Variants in VANGL1 observed in about 807,000 individuals in gnomAD.
The protein encoded by VANGL1 is vang-like protein 1.
In VANGL1, 18 loss-of-function variants were observed where a neutral mutation model predicts 48.4. The ratio of observed to expected loss-of-function variants is 0.37; its 90% CI spans 0.26 to 0.55. The LOEUF is 0.55. Ranked by LOEUF, VANGL1 falls within the 20% of genes least tolerant of loss-of-function variation. VANGL1 has a pLI of 0.81. For synonymous variants in VANGL1, 257 were observed against 261.8 expected, an observed-to-expected ratio of 0.98 and a Z score of 0.18; for missense variants, 667 against 675.8, an observed-to-expected ratio of 0.99 and a Z score of 0.14.
In VANGL1 at chr1:115,698,113, C is replaced by T. The variant is rs1654094349; in HGVS notation, c.*6734C>T. 1 of 150,980 alleles carries T rather than the reference C, an allele frequency of 6.6e-6. No homozygotes were observed. Among genetic ancestry groups the T allele is most frequent in the Admixed American group, 6.6e-5 (1 of 15,146 alleles). The allele number at this position is 150,980 out of a possible 1,614,324, so 9.4% of individuals were successfully genotyped here. Reference sequence around the variant, plus strand: ...ACCTGTCACCCAAGTTATTTTGTTCCTTTTTGGGTCCTCCAGTATAATCCC... The same window carrying T: ...ACCTGTCACCCAAGTTATTTTGTTCTTTTTTGGGTCCTCCAGTATAATCCC... On this transcript the variant is annotated 3_prime_UTR_variant, in exon 8 of 8. Transcript: ENST00000355485.
intron 3 of VANGL1, among the ~76,000 whole-genome samples, chr1:115,660,267 G>A (rs916409695): frequency 2.6e-5 from 4 of 152,186 alleles, no homozygotes; most frequent in Non-Finnish European, 5.9e-5. Context: ...TATTAACCTA[G>A]CTTTGGGTTA....
In VANGL1 at chr1:115,697,009, T is replaced by C. The variant is rs1052494541; in HGVS notation, c.*5630T>C. 6.6e-6 allele frequency: 1 copy of C among 152,248 alleles called. No homozygotes were observed. The highest frequency in any genetic ancestry group is 2.4e-5 in the African/African-American group (1 of 41,474). 9.4% of individuals were successfully genotyped at this position (152,248 alleles called of 1,614,324 possible). ...ATGTACAGTTGTTTGGTTTTGTATG[T>C]GCTTATCTTTATCTGAGCTTTCACT... On this transcript the variant is annotated 3_prime_UTR_variant, in exon 8 of 8. Coordinates refer to ENST00000355485, the MANE Select transcript of VANGL1 (RefSeq NM_138959.3).
chr1:115,681,109 C>T (rs188759632), intron 4 of VANGL1, among the ~76,000 whole-genome samples: 69 of 152,178 alleles, frequency 4.5e-4, no homozygotes, highest in African/African-American at 1.6e-3. Flanking sequence ...TTGTGCAGGT[C>T]ATAGATTTTT....
intron 4 of VANGL1, among the ~76,000 whole-genome samples, chr1:115,666,706 G>A (rs1384303932): frequency 2.0e-5 from 3 of 152,174 alleles, no homozygotes; most frequent in African/African-American, 7.2e-5. Context: ...AGGACCATTG[G>A]TGTTCCTCCT....
At chr1:115,688,566 C>T (rs914919758) in intron 7 of VANGL1, among the ~76,000 whole-genome samples, 2 of 137,804 alleles carry the variant, frequency 1.5e-5, no homozygotes, top group Non-Finnish European at 3.2e-5. Context: ...TGTATTTGTA[C>T]AAGTATTTCT....
chr1:115,691,651 A>C lies in VANGL1; in HGVS notation c.*272A>C. ...GAGCTTCTGTTACAGCTGTAAACCA[A>C]AGTGGAGCTGGTGCTTCTTGGGAGC... is the stretch of plus-strand genomic sequence containing the variant. On this transcript the variant is annotated 3_prime_UTR_variant, in exon 8 of 8. Transcript: ENST00000355485. 2.7e-6 allele frequency: 1 copy of C among 371,332 alleles called. No individual in the cohort carries two copies. Among genetic ancestry groups the C allele is most frequent in the Non-Finnish European group, 4.8e-6 (1 of 208,478 alleles). The allele number at this position is 371,332 out of a possible 1,614,324, so 23.0% of individuals were successfully genotyped here.
At chr1:115,658,942 T>TAC (rs539690975) in intron 2 of VANGL1, among the ~76,000 whole-genome samples, 2,172 of 150,120 alleles carry the variant, frequency 0.014, 40 homozygotes, top group Admixed American at 0.051. Context: ...CCTCCCCATG[T>TAC]ACACACACAC....
chr1:115,655,189 G>A (rs4440850), intron 2 of VANGL1, among the ~76,000 whole-genome samples: 17,503 of 152,180 alleles, frequency 0.12, 1,175 homozygotes, highest in South Asian at 0.32. Flanking sequence ...GAGAAAGGAC[G>A]GGTCGTGGGT....
At chr1:115,649,906 G>C (rs1652081484) in intron 1 of VANGL1, among the ~76,000 whole-genome samples, 1 of 152,174 alleles carries the variant, frequency 6.6e-6, no homozygotes, top group Non-Finnish European at 1.5e-5. Context: ...TAGAACTCAG[G>C]TTTCCCCAGG....
In VANGL1 at chr1:115,694,348, A is replaced by G. The variant is rs1341702942; in HGVS notation, c.*2969A>G. The stretch of plus-strand genomic sequence containing the variant: ...CATGGAAGACAAGTTCTTTACAGCA[A>G]ATGGTAAGAGGCAGGTGACCTGGTG... On this transcript the variant is annotated 3_prime_UTR_variant, in exon 8 of 8. Transcript: ENST00000355485. 3.3e-5 allele frequency: 5 copies of G among 152,124 alleles called. No homozygotes were observed. Among genetic ancestry groups the G allele is most frequent in the Non-Finnish European group, 5.9e-5 (4 of 68,046 alleles). 9.4% of individuals were successfully genotyped at this position (152,124 alleles called of 1,614,324 possible). A position where few individuals can be genotyped will look rare whatever the true frequency, so the allele number is the denominator to read the frequency against.
rs981430259 is a variant in VANGL1, at chr1:115,673,567, T to A, written c.813-8797T>A. On this transcript the variant is annotated intron_variant, in intron 4 of 7. Transcript: ENST00000355485. ...TTTCTGCCCCCATCATTACATGACC[T>A]CCTCTCTGTGGGTCTCTGTATGTCC... 1.4e-4 allele frequency among the ~76,000 whole-genome samples: 21 copies of A among 149,338 alleles called. No homozygotes were observed. In the South Asian group the frequency reaches 2.2e-3, roughly 15 times the overall value.
intron 4 of VANGL1, among the ~76,000 whole-genome samples, chr1:115,678,575 G>A: frequency 6.6e-6 from 1 of 152,176 alleles, no homozygotes; most frequent in East Asian, 1.9e-4. Flanking sequence ...TATGTACGTG[G>A]CACAGCTCAC....
At chr1:115,665,421 A>G (rs1264069962) in intron 4 of VANGL1, among the ~76,000 whole-genome samples, 1 of 152,232 alleles carries the variant, frequency 6.6e-6, no homozygotes, top group Admixed American at 6.5e-5. Flanking sequence ...GTGATCATGT[A>G]GCTGGCAGAG....
intron 6 of VANGL1, 49 bp downstream of exon 6, chr1:115,684,125 T>G (rs777586616): frequency 1.4e-6 from 2 of 1,452,692 alleles, no homozygotes; most frequent in Admixed American, 4.4e-5. Context: ...TTTTAAATTT[T>G]TATTTTATTT....
intron 2 of VANGL1, among the ~76,000 whole-genome samples, chr1:115,654,498 TAA>T (rs869142756): frequency 3.2e-4 from 29 of 90,798 alleles, no homozygotes; most frequent in East Asian, 3.0e-4. Context: ...TTGGTAGGGC[TAA>T]AAAAAAAAAA....
chr1:115,659,581 G>C (rs1652470592), intron 2 of VANGL1, 60 bp from the exon 3 acceptor site: 2 of 1,598,404 alleles, frequency 1.3e-6, no homozygotes, highest in Non-Finnish European at 1.7e-6. Flanking sequence ...CTTACATTTT[G>C]ATAAACCCAG....
At chr1:115,690,998 T>A (rs916293733) in intron 7 of VANGL1, 121 bp from the exon 8 acceptor site, 1 of 1,355,890 alleles carries the variant, frequency 7.4e-7, no homozygotes, top group African/African-American at 1.4e-5. Context: ...AGCTGGGCTC[T>A]GGTCTAAGCT....
At chr1:115,684,352 C>G (rs1653512913) in intron 6 of VANGL1, among the ~76,000 whole-genome samples, 1 of 152,068 alleles carries the variant, frequency 6.6e-6, no homozygotes, top group Admixed American at 6.6e-5. Flanking sequence ...GTTGGCCAGA[C>G]TGGTCTCAAA....
At chr1:115,642,359 C>G (rs970677617) in intron 1 of VANGL1, among the ~76,000 whole-genome samples, 1 of 152,012 alleles carries the variant, frequency 6.6e-6, no homozygotes, top group African/African-American at 2.4e-5. Context: ...CGCCGCACCC[C>G]ACTCCTTGGG....
Sources: gnomAD v4.1 joint callset for allele counts (sites outside exome capture counted in the v4.1 genomes callset) on GRCh38, gnomAD v4.1.1 for gene constraint, MANE v1.5 for transcripts, NCBI Gene and HGNC (gene_info 2026-07-23, HGNC 2026-07-21) for gene names.